The following KLF12 variants were observed in gnomAD, a reference collection of about 807,000 sequenced individuals.
The protein encoded by KLF12 is KLF transcription factor 12.
In KLF12, 9 loss-of-function variants were observed where a neutral mutation model predicts 37.8. The observed-to-expected ratio is 0.24, with a 90% CI of 0.14 to 0.42. KLF12 has a LOEUF of 0.42. Ranked by LOEUF, KLF12 falls within the 10% of genes least tolerant of loss-of-function variation. The pLI, the probability that KLF12 is intolerant of heterozygous loss-of-function variation, is 1.00. For synonymous variants in KLF12, 208 were observed against 202.1 expected (o/e 1.03, Z -0.25); for missense variants, 411 against 516.0 (o/e 0.80, Z 1.97).
At chr13:73,882,711 C>T (rs1887038244) in intron 3 of KLF12, among the ~76,000 whole-genome samples, 1 of 152,034 alleles carries the variant, frequency 6.6e-6, no homozygotes, top group Admixed American at 6.6e-5. Flanking sequence ...ATGATAAAAT[C>T]CAAAATGAAT....
chr13:74,275,712 T>C, the KLF12 span, among the ~76,000 whole-genome samples: 20 of 151,524 alleles, frequency 1.3e-4, no homozygotes, highest in Non-Finnish European at 2.7e-4. Flanking sequence ...TTTTTTTTTT[T>C]CTAGACACAG....
chr13:74,099,588 C>T (rs901603468), intron 1 of KLF12, among the ~76,000 whole-genome samples: 1 of 152,158 alleles, frequency 6.6e-6, no homozygotes, highest in Non-Finnish European at 1.5e-5. Flanking sequence ...AACTGAAATA[C>T]CAATTAATTC....
intron 1 of KLF12, among the ~76,000 whole-genome samples, chr13:74,018,860 C>T (rs907736888): frequency 1.3e-5 from 2 of 152,274 alleles, no homozygotes; most frequent in South Asian, 2.1e-4. Flanking sequence ...CACTCCATAA[C>T]GTTCAAATAT....
At chr13:73,710,737 T>C (rs1386758395) in intron 7 of KLF12, among the ~76,000 whole-genome samples, 1 of 122,768 alleles carries the variant, frequency 8.1e-6, no homozygotes, top group Non-Finnish European at 1.7e-5. Flanking sequence ...CCCTATTCCT[T>C]GAGACACAAC....
chr13:73,913,845 C>A lies in KLF12; in HGVS notation c.123+30136G>T, dbSNP rs571091369. 2.8e-3 allele frequency among the ~76,000 whole-genome samples: 432 copies of A among 152,166 alleles called. 3 individuals are homozygous for A. The highest frequency in any genetic ancestry group is 1.0e-2 in the African/African-American group (415 of 41,506). On this transcript the variant is annotated intron_variant, in intron 3 of 7. Coordinates refer to ENST00000377669, the MANE Select transcript of KLF12 (RefSeq NM_007249.5). Reference sequence around the variant, plus strand: ...TTTAAAACTGTACAAGTAGCATGGGCCAAATTTCTAAACATGGTGATACAA... The same window carrying A: ...TTTAAAACTGTACAAGTAGCATGGGACAAATTTCTAAACATGGTGATACAA...
chr13:74,073,956 C>T (rs577642877), intron 1 of KLF12, among the ~76,000 whole-genome samples: 1 of 152,084 alleles, frequency 6.6e-6, no homozygotes, highest in Admixed American at 6.5e-5. Context: ...ATCTTTCTTG[C>T]CCCATTTTAT....
intron 1 of KLF12, among the ~76,000 whole-genome samples, chr13:74,133,183 T>C (rs376458451): frequency 6.6e-6 from 1 of 152,128 alleles, no homozygotes; most frequent in African/African-American, 2.4e-5. Context: ...GCACTATTCA[T>C]GCCAGCAGTG....
intron 5 of KLF12, among the ~76,000 whole-genome samples, chr13:73,803,184 T>C (rs1470937189): frequency 6.6e-6 from 1 of 152,206 alleles, no homozygotes; most frequent in Non-Finnish European, 1.5e-5. Context: ...TTCTGACTTC[T>C]CCCTAGGGAT....
chr13:74,106,991 G>A (rs189374920), intron 1 of KLF12, among the ~76,000 whole-genome samples: 2 of 152,292 alleles, frequency 1.3e-5, no homozygotes, highest in East Asian at 3.9e-4. Flanking sequence ...AACAACAGAA[G>A]TTTATTTATC....
At chr13:73,706,655 T>A (rs1432983783) in intron 7 of KLF12, among the ~76,000 whole-genome samples, 2 of 152,252 alleles carry the variant, frequency 1.3e-5, no homozygotes, top group Admixed American at 6.5e-5. Context: ...AGGTGATGCT[T>A]GCTGCATCCC....
intron 3 of KLF12, among the ~76,000 whole-genome samples, chr13:73,909,236 G>A (rs569081592): frequency 4.6e-5 from 7 of 152,232 alleles, no homozygotes; most frequent in Admixed American, 1.3e-4. Flanking sequence ...ACTAGGTTCC[G>A]TTTCCATACT....
chr13:73,872,178 G>T (rs1886503911), intron 3 of KLF12, among the ~76,000 whole-genome samples: 1 of 151,984 alleles, frequency 6.6e-6, no homozygotes, highest in Admixed American at 6.6e-5. Context: ...TTTTTAGTTT[G>T]GATTTTTCTG....
In KLF12 at chr13:73,903,524, T is replaced by C. The variant is rs146736593; in HGVS notation, c.123+40457A>G. Among the ~76,000 whole-genome samples the C allele has an allele frequency of 1.2e-4, 19 of 152,364 alleles. 1 individual carries two copies. The South Asian group carries it at 3.5e-3, about 28-fold the overall frequency. ...CCTAAAGCCGAATTCAAGAATAGAA[T>C]TGTATACTTACTGGTAAATGTTTAT... On this transcript the variant is annotated intron_variant, in intron 3 of 7. Transcript: ENST00000377669.
chr13:74,211,538 G>C, the KLF12 span, among the ~76,000 whole-genome samples: 4 of 152,126 alleles, frequency 2.6e-5, no homozygotes, highest in Non-Finnish European at 4.4e-5. Context: ...TTGCCCGCGG[G>C]CTTCAATTTG....
the KLF12 span, among the ~76,000 whole-genome samples, chr13:74,302,950 C>T: frequency 6.6e-6 from 1 of 152,120 alleles, no homozygotes; most frequent in African/African-American, 2.4e-5. Flanking sequence ...CAGTCTTCCT[C>T]CTTTAACTCA....
chr13:74,230,129 C>T, the KLF12 span, among the ~76,000 whole-genome samples: 4 of 151,564 alleles, frequency 2.6e-5, no homozygotes, highest in East Asian at 7.8e-4. Flanking sequence ...TTGGGAGGGA[C>T]CTGGTCGGAG....
chr13:74,293,165 A>G, the KLF12 span, among the ~76,000 whole-genome samples: 1 of 152,188 alleles, frequency 6.6e-6, no homozygotes, highest in South Asian at 2.1e-4. Flanking sequence ...AGATGTTAAG[A>G]CAATGAGAAT....
chr13:74,295,315 TA>T, the KLF12 span, among the ~76,000 whole-genome samples: 1 of 152,146 alleles, frequency 6.6e-6, no homozygotes, highest in Admixed American at 6.6e-5. Flanking sequence ...CCACTCCCTA[TA>T]AACCACACAT....
the KLF12 span, among the ~76,000 whole-genome samples, chr13:74,148,461 A>G: frequency 8.1e-6 from 1 of 122,848 alleles, no homozygotes; most frequent in Admixed American, 1.0e-4. Flanking sequence ...TCTTCTCTGG[A>G]AACAAATTCA....
Sources: allele counts gnomAD v4.1 joint callset (sites outside exome capture counted in the v4.1 genomes callset), GRCh38; gene constraint gnomAD v4.1.1; transcripts MANE v1.5; gene names NCBI Gene and HGNC (gene_info 2026-07-23, HGNC 2026-07-21).